The following STARD13 variants were observed in gnomAD, a reference collection of about 807,000 sequenced individuals.
STARD13 encodes the protein stAR-related lipid transfer protein 13.
A neutral mutation model predicts 106.4 loss-of-function variants in STARD13; 62 were observed. The observed-to-expected ratio is 0.58, with a 90% CI of 0.48 to 0.72. The LOEUF (loss-of-function observed/expected upper bound fraction) is 0.72. STARD13 is among the 30% of genes least tolerant of loss of function. The pLI, the probability that STARD13 is intolerant of heterozygous loss-of-function variation, is 0.00. For synonymous variants in STARD13, 565 were observed against 553.0 expected (o/e 1.02, Z -0.31); for missense variants, 1,387 against 1,424.0 (o/e 0.97, Z 0.42).
chr13:33,582,082 C>T, the STARD13 span, among the ~76,000 whole-genome samples: 4 of 151,838 alleles, frequency 2.6e-5, no homozygotes, highest in East Asian at 3.9e-4. Context: ...ATTAGCTGGG[C>T]GTGGTGGTGG....
the STARD13 span, among the ~76,000 whole-genome samples, chr13:33,539,897 G>A: frequency 5.3e-5 from 8 of 152,272 alleles, no homozygotes; most frequent in Non-Finnish European, 8.8e-5. Context: ...CACAGACTGG[G>A]AGAAAAATAT....
chr13:33,603,121 C>T, the STARD13 span, among the ~76,000 whole-genome samples: 1 of 152,272 alleles, frequency 6.6e-6, no homozygotes, highest in South Asian at 2.1e-4. Flanking sequence ...CACCAGATCA[C>T]CACATCCAGA....
At chr13:33,553,316 C>G in the STARD13 span, among the ~76,000 whole-genome samples, 19 of 151,688 alleles carry the variant, frequency 1.3e-4, no homozygotes, top group African/African-American at 4.6e-4. Context: ...TAACTTACAA[C>G]TCAGAAGTAG....
chr13:33,129,006 A>G lies in STARD13; in HGVS notation c.1671T>C (p.Ser557=), dbSNP rs1877688993. Residue 557 remains serine, a synonymous_variant, in exon 5 of 14, where the codon TCT becomes TCC. Transcript: ENST00000336934. ...CCCCAGGAGGCTCAGATTCATTAAG[A>G]GATGTTACATCTCTTTCCACATCAC... ...TPSDVERDVT[S]LNESEPPGVR... 2 of 1,614,068 alleles carry G rather than the reference A, an allele frequency of 1.2e-6. No homozygotes were observed. The highest frequency in any genetic ancestry group is 1.7e-6 in the Non-Finnish European group (2 of 1,180,008).
At chr13:33,220,840 C>A (rs1698814450) in intron 1 of STARD13, among the ~76,000 whole-genome samples, 1 of 152,106 alleles carries the variant, frequency 6.6e-6, no homozygotes, top group Non-Finnish European at 1.5e-5. Context: ...AAAAGAATAG[C>A]ATTTTTATAT....
chr13:33,397,837 C>T, the STARD13 span, among the ~76,000 whole-genome samples: 3 of 152,184 alleles, frequency 2.0e-5, no homozygotes, highest in East Asian at 5.8e-4. Flanking sequence ...AGTGACTGAC[C>T]CACTTCCTCA....
chr13:33,629,323 C>T, the STARD13 span, among the ~76,000 whole-genome samples: 1 of 152,240 alleles, frequency 6.6e-6, no homozygotes, highest in Non-Finnish European at 1.5e-5. Context: ...ATTACTTAGA[C>T]TGTCCTGGAA....
chr13:33,517,638 T>C, the STARD13 span, among the ~76,000 whole-genome samples: 1 of 152,124 alleles, frequency 6.6e-6, no homozygotes, highest in Non-Finnish European at 1.5e-5. Context: ...TTAAAAGGGA[T>C]GGCCAAACTG....
intron 1 of STARD13, among the ~76,000 whole-genome samples, chr13:33,268,017 G>T (rs1890982522): frequency 6.6e-6 from 1 of 152,244 alleles, no homozygotes; most frequent in East Asian, 1.9e-4. Flanking sequence ...CTTCGTTTTG[G>T]GAAGTTGGAC....
chr13:33,423,686 A>G, the STARD13 span, among the ~76,000 whole-genome samples: 2 of 152,232 alleles, frequency 1.3e-5, no homozygotes, highest in Non-Finnish European at 2.9e-5. Flanking sequence ...AAAGACTTGG[A>G]ACCAACCCAA....
At chr13:33,443,343 C>G in the STARD13 span, among the ~76,000 whole-genome samples, 2 of 149,656 alleles carry the variant, frequency 1.3e-5, no homozygotes, top group African/African-American at 5.0e-5. Flanking sequence ...TGCCACTGCA[C>G]TCTAGCCTGG....
rs1396033539 is a variant in STARD13, at chr13:33,103,437, C to T, written c.*2156G>A. On this transcript the variant is annotated 3_prime_UTR_variant, in exon 14 of 14. Coordinates refer to ENST00000336934, the MANE Select transcript of STARD13 (RefSeq NM_178006.4). ...GATATGATTACTATGTGCACAAAAA[C>T]AAAAAAGTCAGATAATTCGAAGAGA... 2 of 152,466 alleles carry T rather than the reference C, an allele frequency of 1.3e-5. No individual in the cohort carries two copies. The highest frequency in any genetic ancestry group is 2.9e-5 in the Non-Finnish European group (2 of 67,988). The allele number at this position is 152,466 out of a possible 1,614,324, so 9.4% of individuals were successfully genotyped here.
the STARD13 span, among the ~76,000 whole-genome samples, chr13:33,464,490 T>C: frequency 4.6e-5 from 7 of 152,128 alleles, no homozygotes; most frequent in East Asian, 1.4e-3. Flanking sequence ...ATTGAAAGAG[T>C]GGAGCCCTGC....
chr13:33,577,436 A>G, the STARD13 span, among the ~76,000 whole-genome samples: 1 of 152,184 alleles, frequency 6.6e-6, no homozygotes, highest in African/African-American at 2.4e-5. Context: ...CTTTTCCTGT[A>G]TGTAAATTTT....
chr13:33,373,058 C>A, the STARD13 span, among the ~76,000 whole-genome samples: 62 of 152,256 alleles, frequency 4.1e-4, no homozygotes, highest in African/African-American at 1.4e-3. Flanking sequence ...TATTATGCTA[C>A]AAGCCCTAAC....
chr13:33,124,599 C>T (rs1022785846), intron 7 of STARD13, among the ~76,000 whole-genome samples: 13 of 152,120 alleles, frequency 8.5e-5, no homozygotes, highest in African/African-American at 2.9e-4. Flanking sequence ...AGACTGGCCC[C>T]ACTAACAGCA....
At chr13:33,527,308 C>G in the STARD13 span, among the ~76,000 whole-genome samples, 22 of 151,924 alleles carry the variant, frequency 1.4e-4, no homozygotes, top group Non-Finnish European at 2.8e-4. Flanking sequence ...CTTTCCCAGA[C>G]CCCTTCCCCC....
chr13:33,157,602 G>A (rs1451079005), intron 3 of STARD13, among the ~76,000 whole-genome samples: 2 of 152,150 alleles, frequency 1.3e-5, no homozygotes, highest in Admixed American at 6.5e-5. Flanking sequence ...CTTGTGAGGT[G>A]GAGGTTGTAG....
intron 1 of STARD13, among the ~76,000 whole-genome samples, chr13:33,262,650 AC>A (rs1890700914): frequency 1.5e-5 from 1 of 68,870 alleles, no homozygotes; most frequent in Non-Finnish European, 2.9e-5. Flanking sequence ...CCCCCCCCCC[AC>A]ACACACACAC....
Sources: gnomAD v4.1 joint callset for allele counts (sites outside exome capture counted in the v4.1 genomes callset) on GRCh38, gnomAD v4.1.1 for gene constraint, MANE v1.5 for transcripts, NCBI Gene and HGNC (gene_info 2026-07-23, HGNC 2026-07-21) for gene names.